Variants in OPA1 observed in about 807,000 individuals in gnomAD.
The protein encoded by OPA1 is OPA1 mitochondrial dynamin like GTPase.
Under a neutral mutation model 152.9 loss-of-function variants are expected in OPA1, and 59 were observed. The ratio of observed to expected loss-of-function variants is 0.39; its 90% CI spans 0.31 to 0.48. The LOEUF is 0.48. OPA1 is among the 20% of genes least tolerant of loss of function. The pLI is 0.96. For synonymous variants in OPA1, 400 were observed against 389.9 expected, an observed-to-expected ratio of 1.03 and a Z score of -0.31; for missense variants, 1,008 against 1,216.8, an observed-to-expected ratio of 0.83 and a Z score of 2.55.
At chr3:193,668,364 A>G in intron 29 of OPA1, 1 of 1,550,826 alleles carries the variant, frequency 6.4e-7, no homozygotes, top group Non-Finnish European at 8.7e-7. Flanking sequence ...CCAGGCCACC[A>G]CATGGCGCCG....
chr3:193,618,570 C>A (rs1729450616), intron 5 of OPA1: 2 of 340,428 alleles, frequency 5.9e-6, no homozygotes, highest in African/African-American at 2.2e-5. Context: ...ACTGTAAGTA[C>A]TCTCATGTAA....
At chr3:193,611,442 C>A (rs1216509967) in intron 1 of OPA1, among the ~76,000 whole-genome samples, 1 of 151,958 alleles carries the variant, frequency 6.6e-6, no homozygotes, top group Non-Finnish European at 1.5e-5. Context: ...ACTAAAAATA[C>A]ACAGATTAGC....
At chr3:193,682,747 C>A (rs1195385479) in intron 29 of OPA1, among the ~76,000 whole-genome samples, 1 of 152,118 alleles carries the variant, frequency 6.6e-6, no homozygotes, top group Non-Finnish European at 1.5e-5. Flanking sequence ...ACTCTCGAGA[C>A]CTGCTCAGAA....
intron 25 of OPA1, among the ~76,000 whole-genome samples, chr3:193,660,045 G>T (rs1442808281): frequency 2.6e-5 from 4 of 152,140 alleles, no homozygotes; most frequent in Non-Finnish European, 5.9e-5. Flanking sequence ...CTACTAGTGA[G>T]GCTGAGGTGG....
chr3:193,626,948 G>T (rs896977383), intron 7 of OPA1, among the ~76,000 whole-genome samples: 1 of 152,138 alleles, frequency 6.6e-6, no homozygotes, highest in Non-Finnish European at 1.5e-5. Context: ...AGATCCCAAA[G>T]TTCATGTTTG....
intron 29 of OPA1, among the ~76,000 whole-genome samples, chr3:193,671,644 A>G (rs1215688128): frequency 6.6e-6 from 1 of 152,248 alleles, no homozygotes; most frequent in Non-Finnish European, 1.5e-5. Context: ...TAGCGAATAC[A>G]AAGTAGAATA....
At chr3:193,651,289 T>C (rs1712376738) in intron 21 of OPA1, among the ~76,000 whole-genome samples, 1 of 152,184 alleles carries the variant, frequency 6.6e-6, no homozygotes, top group South Asian at 2.1e-4. Flanking sequence ...GGCAGTTGGC[T>C]TTTGCAATAA....
intron 11 of OPA1, among the ~76,000 whole-genome samples, chr3:193,638,281 A>T (rs1167204213): frequency 6.6e-6 from 1 of 152,152 alleles, no homozygotes; most frequent in South Asian, 2.1e-4. Flanking sequence ...GATGACAGAG[A>T]CCCAGTTGGG....
chr3:193,663,994 A>G (rs1253176609), intron 26 of OPA1, among the ~76,000 whole-genome samples: 2 of 152,094 alleles, frequency 1.3e-5, no homozygotes, highest in Non-Finnish European at 2.9e-5. Flanking sequence ...TGAATACAGT[A>G]GGAGGGATTT....
Position 193,692,126 on chromosome 3 carries a change from AAATT to A in OPA1, c.*2_*5del. ...ATTGAAGCTCTTCATCAGGAGAAAT[AAATT>A]AAGTGAGTAAAAATTCTCTAACTGT... On this transcript the variant is annotated splice_region_variant and stop_retained_variant and 3_prime_UTR_variant, in exon 30 of 31. Coordinates refer to ENST00000361510, the MANE Select transcript of OPA1 (RefSeq NM_130837.3). The A allele has an allele frequency of 6.6e-7, 1 of 1,507,450 alleles. No homozygotes were observed. The highest frequency in any genetic ancestry group is 9.1e-7 in the Non-Finnish European group (1 of 1,097,452). The allele number at this position is 1,507,450 out of a possible 1,614,324, so 93.4% of individuals were successfully genotyped here.
chr3:193,601,652 T>C lies in OPA1; in HGVS notation c.32+8243T>C, dbSNP rs139985761. On this transcript the variant is annotated intron_variant, in intron 1 of 30. Coordinates refer to ENST00000361510, the MANE Select transcript of OPA1 (RefSeq NM_130837.3). ...CCCTACTGGATATACAAGCAATCACTTGTACTAACATAAGTAATTCCCAAA... is the reference window on the plus strand; with the variant it reads ...CCCTACTGGATATACAAGCAATCACCTGTACTAACATAAGTAATTCCCAAA... 4.8e-3 allele frequency among the ~76,000 whole-genome samples: 738 copies of C among 152,312 alleles called. 4 individuals are homozygous for C. The highest frequency in any genetic ancestry group is 0.017 in the African/African-American group (706 of 41,568).
chr3:193,617,329 A>C, intron 4 of OPA1, 44 bp downstream of exon 4: 1 of 1,160,954 alleles, frequency 8.6e-7, no homozygotes, highest in Non-Finnish European at 1.3e-6. Context: ...TTTAAGAACC[A>C]TGGAGGAAAA....
At position 193,642,636 on chromosome 3, in the gene OPA1, C is replaced by T. The variant is rs185317592; in HGVS notation, c.1150-129C>T. On this transcript the variant is annotated intron_variant, in intron 11 of 30. Coordinates refer to ENST00000361510, the MANE Select transcript of OPA1 (RefSeq NM_130837.3). ...CCATGTTGACAGCTTCAGGGGGTGC[C>T]CCAGCAGTAGTGTGAAGGGACTCTT... 228 of 719,920 alleles carry T rather than the reference C, an allele frequency of 3.2e-4. No homozygotes were observed. The African/African-American group carries it at 3.7e-3, about 12-fold the overall frequency. The allele number at this position is 719,920 out of a possible 1,614,324, so 44.6% of individuals were successfully genotyped here. A position where few individuals can be genotyped will look rare whatever the true frequency, so the allele number is the denominator to read the frequency against.
intron 3 of OPA1, among the ~76,000 whole-genome samples, chr3:193,616,365 T>G (rs1164937806): frequency 6.6e-6 from 1 of 152,226 alleles, no homozygotes; most frequent in Non-Finnish European, 1.5e-5. Flanking sequence ...AATAGTATTT[T>G]AGTTCCCTTT....
At chr3:193,636,422 C>T in intron 9 of OPA1, among the ~76,000 whole-genome samples, 1 of 103,764 alleles carries the variant, frequency 9.6e-6, no homozygotes, top group Non-Finnish European at 2.2e-5. Context: ...CAATTGCTTG[C>T]CATTTAATTT....
chr3:193,614,065 G>A (rs1728661667), intron 1 of OPA1: 3 of 494,698 alleles, frequency 6.1e-6, no homozygotes, highest in Non-Finnish European at 1.2e-5. Context: ...GAAGAAGAGG[G>A]TGGAGCTCTA....
At chr3:193,595,569 T>C (rs970675739) in intron 1 of OPA1, among the ~76,000 whole-genome samples, 6 of 152,254 alleles carry the variant, frequency 3.9e-5, no homozygotes, top group Admixed American at 6.5e-5. Context: ...AGAATTCTTA[T>C]GACAATCTGA....
intron 1 of OPA1, among the ~76,000 whole-genome samples, chr3:193,599,219 C>T (rs1372376177): frequency 1.3e-5 from 2 of 152,090 alleles, no homozygotes; most frequent in Non-Finnish European, 2.9e-5. Context: ...TTATTCTACT[C>T]AGGAACTCTG....
chr3:193,686,117 A>G (rs770061952), intron 29 of OPA1, among the ~76,000 whole-genome samples: 19 of 152,240 alleles, frequency 1.2e-4, no homozygotes, highest in Non-Finnish European at 2.4e-4. Flanking sequence ...GATTTTGTCT[A>G]CAACAGTGCA....
Sources: allele counts gnomAD v4.1 joint callset (sites outside exome capture counted in the v4.1 genomes callset), GRCh38; gene constraint gnomAD v4.1.1; transcripts MANE v1.5; gene names NCBI Gene and HGNC (gene_info 2026-07-23, HGNC 2026-07-21).